EIF2AK2: variants seen among roughly 807,000 people sequenced by gnomAD.
EIF2AK2 encodes the protein eukaryotic translation initiation factor 2 alpha kinase 2.
In EIF2AK2, 40 loss-of-function variants were observed where a neutral mutation model predicts 70.5. That is an observed-to-expected ratio of 0.57 (90% CI 0.44 to 0.74). The LOEUF is 0.74. Ranked by LOEUF, EIF2AK2 falls within the 30% of genes least tolerant of loss-of-function variation. The probability of loss-of-function intolerance (pLI) is 0.00; values close to 1 mark genes in which losing one functional copy is unlikely to be tolerated. For synonymous variants in EIF2AK2, 198 were observed against 220.9 expected (o/e 0.90, Z 0.92); for missense variants, 555 against 644.3 (o/e 0.86, Z 1.50).
chr2:37,133,425 T>G (rs966511794), intron 10 of EIF2AK2, among the ~76,000 whole-genome samples: 1 of 152,068 alleles, frequency 6.6e-6, no homozygotes, highest in Non-Finnish European at 1.5e-5. Flanking sequence ...TTTAATCCCT[T>G]CCTACAGTCA....
At position 37,146,921 on chromosome 2, in the gene EIF2AK2, T is replaced by G; in HGVS notation, c.172A>C (p.Arg58=). Residue 58 remains arginine (R), a synonymous_variant, in exon 4 of 17, where the codon AGA becomes CGA. Coordinates refer to ENST00000233057, the MANE Select transcript of EIF2AK2 (RefSeq NM_001135651.3). ...GCATTTTTTGCTTCCTTCTTTGATC[T>G]ACCTTCACCTTCTGGAAATTCTCTT... The part of the protein sequence containing the change: ...DGREFPEGEG[R]SKKEAKNAAA... 1.2e-6 allele frequency: 2 copies of G among 1,613,760 alleles called. No homozygotes were observed. Among genetic ancestry groups the G allele is most frequent in the Non-Finnish European group, 1.7e-6 (2 of 1,179,868 alleles).
chr2:37,113,507 A>AT (rs1281412025), intron 14 of EIF2AK2, among the ~76,000 whole-genome samples: 1 of 150,306 alleles, frequency 6.7e-6, no homozygotes, highest in Non-Finnish European at 1.5e-5. Context: ...TCAAAAAAAA[A>AT]AAAAAAAAAA....
At position 37,138,344 on chromosome 2, in the gene EIF2AK2, C is replaced by G; in HGVS notation, c.613G>C (p.Glu205Gln). 1 of 1,613,854 alleles carries G rather than the reference C, an allele frequency of 6.2e-7. No individual in the cohort carries two copies. The highest frequency in any genetic ancestry group is 8.5e-7 in the Non-Finnish European group (1 of 1,179,924). Residue 205 changes from glutamate to glutamine, a missense_variant, in exon 8 of 17, where the codon GAA becomes CAA. By Grantham distance (29) the Glu-to-Gln change is conservative. Coordinates refer to ENST00000233057, the MANE Select transcript of EIF2AK2 (RefSeq NM_001135651.3). ...GATGTATCTGCTGAGAAGTCACCTT[C>G]AGATGATGATTCAGAAGCGCTAGAA... is the stretch of plus-strand genomic sequence containing the variant. Reference protein sequence around the residue: ...TSTLASESSSEGDFSADTSEI... With the variant: ...TSTLASESSSQGDFSADTSEI...
intron 10 of EIF2AK2, 125 bp downstream of exon 10, chr2:37,135,359 C>T: frequency 4.0e-6 from 3 of 752,250 alleles, no homozygotes; most frequent in Non-Finnish European, 4.4e-6. Context: ...TTGTTCTTAC[C>T]CTGCGTAGTT....
chr2:37,149,210 T>C (rs1675659806), intron 1 of EIF2AK2, 187 bp from the exon 2 acceptor site: 1 of 1,120,046 alleles, frequency 8.9e-7, no homozygotes, highest in Non-Finnish European at 1.4e-6. Context: ...TTCTACCAAG[T>C]GTGGAGCTGA....
chr2:37,139,711 T>C lies in EIF2AK2; in HGVS notation c.436A>G (p.Thr146Ala). The C allele has an allele frequency of 6.2e-7, 1 of 1,613,846 alleles. No individual in the cohort carries two copies. Among genetic ancestry groups the C allele is most frequent in the South Asian group, 1.1e-5 (1 of 91,022 alleles). Residue 146 changes from threonine to alanine, a missense_variant, in exon 6 of 17, where the codon ACA becomes GCA. Coordinates refer to ENST00000233057, the MANE Select transcript of EIF2AK2 (RefSeq NM_001135651.3). ...TTTGCTTCCTGTTTAGTAGAACCTG[T>C]ACCAATACTATATTCTTTCTGTCCC... ...KMGQKEYSIG[T>A]GSTKQEAKQL...
chr2:37,122,982 A>G (rs1247497482), intron 11 of EIF2AK2, among the ~76,000 whole-genome samples: 1 of 152,086 alleles, frequency 6.6e-6, no homozygotes, highest in Non-Finnish European at 1.5e-5. Context: ...CCTGACCAAC[A>G]TGGTGAAACC....
intron 8 of EIF2AK2, among the ~76,000 whole-genome samples, chr2:37,137,670 G>T (rs916552387): frequency 6.6e-6 from 1 of 152,068 alleles, no homozygotes; most frequent in African/African-American, 2.4e-5. Flanking sequence ...AAACAGAAAC[G>T]AACTATATTA....
chr2:37,117,087 C>T (rs1674368687), intron 13 of EIF2AK2, among the ~76,000 whole-genome samples: 1 of 151,910 alleles, frequency 6.6e-6, no homozygotes, highest in Non-Finnish European at 1.5e-5. Flanking sequence ...ATGGCAGGCG[C>T]CTGTAATCCC....
rs59032875 is a variant in EIF2AK2, at chr2:37,138,108, C to CA, written c.687+161dup. Among the ~76,000 whole-genome samples, 1,593 of 66,568 alleles carry CA rather than the reference C, an allele frequency of 0.024. 66 individuals are homozygous for CA. The East Asian group carries it at 0.25, about 10-fold the overall frequency. 43.7% of individuals were successfully genotyped at this position (66,568 alleles called of 152,430 possible). Reference sequence around the variant, plus strand: ...TGGGCAACAGAGGGAGACTCCATCTCAAAAAAAAAAAAAAAAAAAGTCTAC... The same window carrying CA: ...TGGGCAACAGAGGGAGACTCCATCTCAAAAAAAAAAAAAAAAAAAAGTCTAC... On this transcript the variant is annotated intron_variant, in intron 8 of 16. Transcript: ENST00000233057.
intron 10 of EIF2AK2, among the ~76,000 whole-genome samples, chr2:37,128,788 T>C (rs1159163772): frequency 6.6e-6 from 1 of 152,120 alleles, no homozygotes; most frequent in African/African-American, 2.4e-5. Flanking sequence ...CAGTCCCCCA[T>C]AGAGGCCCAG....
intron 4 of EIF2AK2, among the ~76,000 whole-genome samples, chr2:37,146,034 G>A (rs765940820): frequency 5.9e-5 from 9 of 152,078 alleles, no homozygotes; most frequent in Non-Finnish European, 1.2e-4. Flanking sequence ...GATTACAGGT[G>A]TGAGCCACCA....
intron 1 of EIF2AK2, among the ~76,000 whole-genome samples, chr2:37,152,418 A>G (rs1573044950): frequency 1.3e-5 from 2 of 151,988 alleles, no homozygotes; most frequent in East Asian, 1.9e-4. Context: ...AGTAGCTGGG[A>G]CTATGGGACT....
intron 8 of EIF2AK2, among the ~76,000 whole-genome samples, chr2:37,137,795 T>C (rs1235134069): frequency 1.3e-5 from 2 of 151,918 alleles, no homozygotes; most frequent in African/African-American, 2.4e-5. Context: ...GGGTAAGGAA[T>C]GGAACTTAAT....
chr2:37,113,469 G>T (rs1410800686), intron 14 of EIF2AK2, among the ~76,000 whole-genome samples: 15 of 126,790 alleles, frequency 1.2e-4, no homozygotes, highest in African/African-American at 4.6e-4. Flanking sequence ...TTGCACTCCA[G>T]CCTTGGTGAC....
intron 4 of EIF2AK2, among the ~76,000 whole-genome samples, chr2:37,145,297 C>A (rs1293625354): frequency 2.6e-5 from 4 of 151,968 alleles, no homozygotes; most frequent in Non-Finnish European, 5.9e-5. Context: ...TGCCCACCAC[C>A]ATGCCCGGCT....
chr2:37,147,636 C>T, intron 3 of EIF2AK2, 52 bp downstream of exon 3: 1 of 1,233,138 alleles, frequency 8.1e-7, no homozygotes, highest in Non-Finnish European at 1.2e-6. Context: ...CTACAAAGGA[C>T]ATGAACTCAT....
At chr2:37,109,836 T>C (rs1217921852) in intron 14 of EIF2AK2, among the ~76,000 whole-genome samples, 1 of 152,202 alleles carries the variant, frequency 6.6e-6, no homozygotes, top group East Asian at 1.9e-4. Context: ...TACTGTATGA[T>C]TCCATTCATA....
Position 37,141,688 on chromosome 2 carries a change from A to G in EIF2AK2, c.254T>C (p.Leu85Ser). ...TGAAGAATTCGTTGTTGTCAATAAT[A>G]AAGGACTAACTGCCTACAAAGAAAA... is the stretch of plus-strand genomic sequence containing the variant. ...LNKEKKAVSPLLLTTTNSSEG... is the reference protein window; with the variant it reads ...LNKEKKAVSPSLLTTTNSSEG... Residue 85 changes from leucine to serine, a missense_variant, in exon 5 of 17, where the codon TTA becomes TCA. Leu to Ser is a moderately radical substitution (Grantham distance 145). Around this residue, in one of 3 missense-constraint regions of EIF2AK2, gnomAD observed 208 missense variants for 191.8 expected, o/e 1.08. Coordinates refer to ENST00000233057, the MANE Select transcript of EIF2AK2 (RefSeq NM_001135651.3). 1 of 1,612,718 alleles carries G rather than the reference A, an allele frequency of 6.2e-7. No individual in the cohort carries two copies. The highest frequency in any genetic ancestry group is 8.5e-7 in the Non-Finnish European group (1 of 1,179,582).
Sources: allele counts gnomAD v4.1 joint callset (sites outside exome capture counted in the v4.1 genomes callset), GRCh38; gene constraint gnomAD v4.1.1; regional missense constraint gnomAD v4.1.1; transcripts MANE v1.5; gene names NCBI Gene and HGNC (gene_info 2026-07-23, HGNC 2026-07-21).